HYDIN: variants seen among roughly 807,000 people sequenced by gnomAD.
The protein encoded by HYDIN is HYDIN axonemal central pair apparatus protein.
Under a neutral mutation model 403.9 loss-of-function variants are expected in HYDIN, and 132 were observed. The ratio of observed to expected loss-of-function variants is 0.33; its 90% CI spans 0.28 to 0.38. The LOEUF (loss-of-function observed/expected upper bound fraction) is 0.38, where lower values mean the gene tolerates loss of function less well. HYDIN is among the 10% of genes least tolerant of loss of function. The probability of loss-of-function intolerance (pLI) is 1.00; values close to 1 mark genes in which losing one functional copy is unlikely to be tolerated. For synonymous variants in HYDIN, 1,202 were observed against 1,891.7 expected (o/e 0.64, Z 9.46); for missense variants, 2,827 against 5,009.5 (o/e 0.56, Z 13.15).
At chr16:71,118,852 A>G (rs1401683880) in intron 9 of HYDIN, among the ~76,000 whole-genome samples, 2 of 152,012 alleles carry the variant, frequency 1.3e-5, no homozygotes, top group Non-Finnish European at 2.9e-5. Flanking sequence ...ATCTCATCTC[A>G]GGACTACTGA....
Position 71,019,526 on chromosome 16 carries a change from A to G in HYDIN, c.3330+648T>C, listed in dbSNP as rs916330070. Among the ~76,000 whole-genome samples the G allele has an allele frequency of 1.1e-4, 17 of 152,306 alleles. No individual in the cohort carries two copies. The East Asian group carries it at 2.7e-3, about 24-fold the overall frequency. ...TTACCACTGGCACAAGGGGCTGGGC[A>G]TAAGTTAGGACCCACCCTTGTAGAT... On this transcript the variant is annotated intron_variant, in intron 22 of 85. Coordinates refer to ENST00000393567, the MANE Select transcript of HYDIN (RefSeq NM_001270974.2).
intron 18 of HYDIN, among the ~76,000 whole-genome samples, chr16:71,059,741 C>T (rs8055617): frequency 2.0e-5 from 3 of 152,050 alleles, no homozygotes; most frequent in Non-Finnish European, 4.4e-5. Context: ...ACAATTTACC[C>T]GTGTAACAAA....
rs11075859 is a variant in HYDIN, at chr16:71,098,326, T to C, written c.1328-4391A>G. Among the ~76,000 whole-genome samples, 1,299 of 151,232 alleles carry C rather than the reference T, an allele frequency of 8.6e-3. 17 individuals carry two copies. The highest frequency in any genetic ancestry group is 0.03 in the African/African-American group (1,242 of 41,216). ...ACGCCATTCTCCTGCCTCAGCCTCC[T>C]GAGTAGCTGGGACTACAGACGCCCG... is the stretch of plus-strand genomic sequence containing the variant. On this transcript the variant is annotated intron_variant, in intron 10 of 85. Coordinates refer to ENST00000393567, the MANE Select transcript of HYDIN (RefSeq NM_001270974.2).
In HYDIN at chr16:71,200,915, A is replaced by G. The variant is rs527615266; in HGVS notation, c.-23-13997T>C. On this transcript the variant is annotated intron_variant, in intron 1 of 85. Coordinates refer to ENST00000393567, the MANE Select transcript of HYDIN (RefSeq NM_001270974.2). Reference sequence around the variant, plus strand: ...CTAAGTCCATTAACCCAATTGGTACACTCTCTCCCTCCTCTGTCTGGGCTC... The same window carrying G: ...CTAAGTCCATTAACCCAATTGGTACGCTCTCTCCCTCCTCTGTCTGGGCTC... Among the ~76,000 whole-genome samples, 4 of 151,886 alleles carry G rather than the reference A, an allele frequency of 2.6e-5. No homozygotes were observed. The South Asian group carries it at 8.3e-4, about 32-fold the overall frequency.
intron 10 of HYDIN, among the ~76,000 whole-genome samples, chr16:71,110,402 TTA>T (rs1183407872): frequency 1.4e-5 from 2 of 140,562 alleles, no homozygotes; most frequent in Non-Finnish European, 3.1e-5. Context: ...ATATATATAT[TTA>T]TATATAATAT....
At chr16:70,969,687 G>C (rs117755606) in intron 36 of HYDIN, among the ~76,000 whole-genome samples, 7,107 of 152,246 alleles carry the variant, frequency 0.047, 238 homozygotes, top group South Asian at 0.12. Flanking sequence ...TATCAGAAAA[G>C]AAGAAAGAAC....
chr16:71,077,596 A>T (rs1040815736), intron 13 of HYDIN, among the ~76,000 whole-genome samples: 1 of 151,342 alleles, frequency 6.6e-6, no homozygotes, highest in African/African-American at 2.4e-5. Context: ...ATTTCCTTTT[A>T]TTTTCTTATC....
At chr16:70,980,107 C>T (rs1252933337) in intron 29 of HYDIN, among the ~76,000 whole-genome samples, 3 of 150,240 alleles carry the variant, frequency 2.0e-5, no homozygotes, top group Admixed American at 6.6e-5. Flanking sequence ...CAGTTTCAAC[C>T]GTATAGCAAA....
intron 18 of HYDIN, among the ~76,000 whole-genome samples, 150 bp downstream of exon 18, chr16:71,060,351 TAAA>T (rs1435855104): frequency 6.6e-6 from 1 of 152,246 alleles, no homozygotes; most frequent in African/African-American, 2.4e-5. Flanking sequence ...TTTATTATAA[TAAA>T]GAAGAACTGG....
intron 58 of HYDIN, among the ~76,000 whole-genome samples, chr16:70,884,833 G>A (rs1364471343): frequency 7.4e-4 from 112 of 152,172 alleles, no homozygotes; most frequent in African/African-American, 2.7e-3. Context: ...AGTGGCCTGA[G>A]ATAAGGGAAG....
intron 18 of HYDIN, among the ~76,000 whole-genome samples, chr16:71,040,472 AC>A (rs1185453112): frequency 7.9e-6 from 1 of 125,958 alleles, no homozygotes; most frequent in Non-Finnish European, 1.7e-5. Context: ...AAATGCACAT[AC>A]CCCCCCTCCC....
At chr16:70,906,927 T>C (rs924432719) in intron 50 of HYDIN, among the ~76,000 whole-genome samples, 10 of 152,252 alleles carry the variant, frequency 6.6e-5, no homozygotes, top group Non-Finnish European at 1.0e-4. Context: ...TTTGTGCATA[T>C]TGGAGTTATT....
chr16:71,169,124 GAACATACA>G (rs2086360885), intron 5 of HYDIN, among the ~76,000 whole-genome samples: 1 of 152,148 alleles, frequency 6.6e-6, no homozygotes, highest in Admixed American at 6.5e-5. Context: ...ATCAATGGAT[GAACATACA>G]AAGAAAATGT....
At chr16:71,193,434 T>A (rs2087535487) in intron 1 of HYDIN, among the ~76,000 whole-genome samples, 1 of 152,168 alleles carries the variant, frequency 6.6e-6, no homozygotes, top group Non-Finnish European at 1.5e-5. Context: ...ACAAATATAT[T>A]CTCAGCTAAC....
At chr16:71,165,289 T>C (rs1452800155) in intron 5 of HYDIN, among the ~76,000 whole-genome samples, 5 of 151,676 alleles carry the variant, frequency 3.3e-5, no homozygotes, top group Non-Finnish European at 7.4e-5. Context: ...CTTCAGAGCC[T>C]TTGCACATGA....
At chr16:71,016,930 T>C (rs1475666430) in intron 23 of HYDIN, among the ~76,000 whole-genome samples, 1 of 151,420 alleles carries the variant, frequency 6.6e-6, no homozygotes, top group Non-Finnish European at 1.5e-5. Context: ...TCTCAAAATG[T>C]GTTCCCCACA....
At chr16:70,886,949 A>T (rs1312671604) in intron 58 of HYDIN, among the ~76,000 whole-genome samples, 1 of 152,080 alleles carries the variant, frequency 6.6e-6, no homozygotes, top group Non-Finnish European at 1.5e-5. Flanking sequence ...CCAAATTTGA[A>T]AAGTTTTCTG....
At chr16:70,909,428 T>C (rs2076627482) in intron 47 of HYDIN, among the ~76,000 whole-genome samples, 1 of 151,870 alleles carries the variant, frequency 6.6e-6, no homozygotes, top group Admixed American at 6.6e-5. Context: ...CACCATCTTT[T>C]AAAAAAGAAA....
chr16:71,070,314 T>C (rs952148360), intron 13 of HYDIN, among the ~76,000 whole-genome samples: 4 of 149,278 alleles, frequency 2.7e-5, no homozygotes, highest in African/African-American at 1.0e-4. Flanking sequence ...CCTTCCTTCC[T>C]TTCTTTCTTT....
Sources: allele counts gnomAD v4.1 joint callset (sites outside exome capture counted in the v4.1 genomes callset), GRCh38; gene constraint gnomAD v4.1.1; transcripts MANE v1.5; gene names NCBI Gene and HGNC (gene_info 2026-07-23, HGNC 2026-07-21).